The following OTOGL variants were observed in gnomAD, a reference collection of about 807,000 sequenced individuals.
OTOGL encodes otogelin-like protein.
Under a neutral mutation model 318.5 loss-of-function variants are expected in OTOGL, and 285 were observed. The ratio of observed to expected loss-of-function variants is 0.89; its 90% CI spans 0.81 to 0.99. The LOEUF (loss-of-function observed/expected upper bound fraction) is 0.99. Ranked by LOEUF, OTOGL falls within the 50% of genes least tolerant of loss-of-function variation. The pLI is 0.00. For missense variants in OTOGL, 2,899 were observed against 2,845.6 expected (o/e 1.02, Z -0.43); for synonymous variants, 987 against 936.5 (o/e 1.05, Z -0.99).
intron 1 of OTOGL, among the ~76,000 whole-genome samples, chr12:80,182,272 A>G (rs545323853): frequency 4.5e-4 from 68 of 152,352 alleles, no homozygotes; most frequent in Non-Finnish European, 5.4e-4. Flanking sequence ...AGTGAAATCT[A>G]TAACAGAGGC....
intron 1 of OTOGL, among the ~76,000 whole-genome samples, chr12:80,128,094 C>T (rs1019992753): frequency 7.2e-5 from 11 of 152,136 alleles, no homozygotes; most frequent in African/African-American, 2.7e-4. Context: ...GACCTGTGTT[C>T]CTTTGGAGGA....
At chr12:80,123,882 G>A (rs1870642373) in intron 1 of OTOGL, among the ~76,000 whole-genome samples, 2 of 152,096 alleles carry the variant, frequency 1.3e-5, no homozygotes, top group African/African-American at 4.8e-5. Flanking sequence ...TTTTGATGGG[G>A]TTGTTTGTTT....
In OTOGL at chr12:80,370,556, T is replaced by C. The variant is rs1011969327; in HGVS notation, c.6616-14T>C. Reference sequence around the variant, plus strand: ...TTTAATATGCTAAATAGTAACTTTCTTTTTGATTTTTAGGTAGGGAGTACC... The same window carrying C: ...TTTAATATGCTAAATAGTAACTTTCCTTTTGATTTTTAGGTAGGGAGTACC... On this transcript the variant is annotated splice_polypyrimidine_tract_variant and intron_variant, in intron 55 of 58. Coordinates refer to ENST00000547103, the MANE Select transcript of OTOGL (RefSeq NM_001378609.3). 2.7e-6 allele frequency: 4 copies of C among 1,501,380 alleles called. No individual in the cohort carries two copies. In the Admixed American group the frequency reaches 9.1e-5, roughly 34 times the overall value. The allele number at this position is 1,501,380 out of a possible 1,614,324, so 93.0% of individuals were successfully genotyped here. A position where few individuals can be genotyped will look rare whatever the true frequency, so the allele number is the denominator to read the frequency against.
chr12:80,100,861 T>C (rs966242008), intron 1 of OTOGL, among the ~76,000 whole-genome samples: 7 of 152,186 alleles, frequency 4.6e-5, no homozygotes, highest in African/African-American at 9.6e-5. Context: ...ACTTTTTTTT[T>C]CCCATGTGTT....
At chr12:80,177,603 T>C (rs1289312877) in intron 1 of OTOGL, among the ~76,000 whole-genome samples, 2 of 152,200 alleles carry the variant, frequency 1.3e-5, no homozygotes. Flanking sequence ...CTTATGTCTT[T>C]TGCATTTCTA....
chr12:80,343,533 TTTTA>T (rs1888964468), intron 44 of OTOGL: 3 of 138,158 alleles, frequency 2.2e-5, no homozygotes, highest in African/African-American at 8.0e-5. Context: ...TTTTTTTTTT[TTTTA>T]ACTTTCTTTT....
intron 57 of OTOGL, among the ~76,000 whole-genome samples, chr12:80,374,015 A>T (rs1300485426): frequency 6.6e-6 from 1 of 152,168 alleles, no homozygotes; most frequent in East Asian, 1.9e-4. Flanking sequence ...CAAGCAAAAA[A>T]GTCCAACAGG....
At chr12:80,336,862 C>T in intron 41 of OTOGL, 42 bp downstream of exon 41, 3 of 1,537,590 alleles carry the variant, frequency 2.0e-6, no homozygotes, top group Non-Finnish European at 2.6e-6. Context: ...TTCTGTTTAT[C>T]ACTACAATTG....
intron 1 of OTOGL, among the ~76,000 whole-genome samples, chr12:80,159,295 A>AT (rs1873338573): frequency 6.6e-6 from 1 of 151,966 alleles, no homozygotes; most frequent in South Asian, 2.1e-4. Context: ...TGTAGTTTTG[A>AT]TTTTTTGTTA....
chr12:80,377,714 C>A, intron 58 of OTOGL, 134 bp from the exon 59 acceptor site: 1 of 703,248 alleles, frequency 1.4e-6, no homozygotes, highest in Non-Finnish European at 2.3e-6. Context: ...TTTTTACGAT[C>A]TTGCAACATG....
At chr12:80,180,772 G>A (rs903461579) in intron 1 of OTOGL, among the ~76,000 whole-genome samples, 1 of 152,118 alleles carries the variant, frequency 6.6e-6, no homozygotes, top group Admixed American at 6.6e-5. Flanking sequence ...CAAGGAGGGG[G>A]TAGTTTACCA....
At chr12:80,332,360 C>T (rs993312742) in intron 37 of OTOGL, among the ~76,000 whole-genome samples, 1 of 152,120 alleles carries the variant, frequency 6.6e-6, no homozygotes, top group African/African-American at 2.4e-5. Context: ...GCGATTATGG[C>T]TGAGAATAAT....
chr12:80,276,613 G>A (rs1201560134), intron 24 of OTOGL, among the ~76,000 whole-genome samples: 1 of 151,562 alleles, frequency 6.6e-6, no homozygotes, highest in East Asian at 1.9e-4. Context: ...GAGAACATAG[G>A]AGAAAAATTT....
chr12:80,239,994 T>G (rs939263140), intron 11 of OTOGL, among the ~76,000 whole-genome samples: 1 of 152,114 alleles, frequency 6.6e-6, no homozygotes, highest in Non-Finnish European at 1.5e-5. Context: ...GTCTTTCTGT[T>G]TGGCTTATTT....
At chr12:80,131,550 C>T (rs1293431117) in intron 1 of OTOGL, among the ~76,000 whole-genome samples, 1 of 152,146 alleles carries the variant, frequency 6.6e-6, no homozygotes, top group East Asian at 1.9e-4. Flanking sequence ...GAATCACCTG[C>T]ATGTTTTATT....
At chr12:80,101,281 C>G (rs1446195713) in intron 1 of OTOGL, among the ~76,000 whole-genome samples, 1 of 152,152 alleles carries the variant, frequency 6.6e-6, no homozygotes, top group African/African-American at 2.4e-5. Context: ...CCTCATGGCT[C>G]TAAGTTCTTT....
At chr12:80,118,446 C>T (rs1298553313) in intron 1 of OTOGL, among the ~76,000 whole-genome samples, 2 of 152,110 alleles carry the variant, frequency 1.3e-5, no homozygotes, top group African/African-American at 2.4e-5. Context: ...CTTCCCAACC[C>T]CGATGGCTTA....
At chr12:80,171,390 G>A (rs948747851) in intron 1 of OTOGL, among the ~76,000 whole-genome samples, 2 of 151,956 alleles carry the variant, frequency 1.3e-5, no homozygotes, top group Non-Finnish European at 2.9e-5. Context: ...GAGGTTCTTT[G>A]TTTGTTTTTT....
At chr12:80,321,442 C>T (rs1328975833) in intron 34 of OTOGL, among the ~76,000 whole-genome samples, 2 of 152,036 alleles carry the variant, frequency 1.3e-5, no homozygotes, top group Non-Finnish European at 2.9e-5. Context: ...AGATTTTAAA[C>T]AGTACAAATT....
Sources: allele counts gnomAD v4.1 joint callset (sites outside exome capture counted in the v4.1 genomes callset), GRCh38; gene constraint gnomAD v4.1.1; transcripts MANE v1.5; gene names NCBI Gene and HGNC (gene_info 2026-07-23, HGNC 2026-07-21).